Variants in GNAL observed in about 807,000 individuals in gnomAD.
The protein encoded by GNAL is G protein subunit alpha L.
Under a neutral mutation model 55.1 loss-of-function variants are expected in GNAL, and 18 were observed. The observed-to-expected ratio is 0.33, with a 90% CI of 0.23 to 0.48. GNAL has a LOEUF of 0.48. Among genes scored for constraint, GNAL ranks in the 20% least tolerant of loss-of-function variants. The probability of loss-of-function intolerance (pLI) is 0.99; values close to 1 mark genes in which losing one functional copy is unlikely to be tolerated. For synonymous variants in GNAL, 253 were observed against 237.0 expected, an observed-to-expected ratio of 1.07 and a Z score of -0.62; for missense variants, 412 against 614.1, an observed-to-expected ratio of 0.67 and a Z score of 3.48.
At chr18:11,725,690 G>T (rs1210718772) in intron 1 of GNAL, among the ~76,000 whole-genome samples, 1 of 152,120 alleles carries the variant, frequency 6.6e-6, no homozygotes, top group East Asian at 1.9e-4. Context: ...TGGACATCTT[G>T]GTTGCCTCCA....
intron 5 of GNAL, chr18:11,853,464 C>G (rs886673304): frequency 1.8e-5 from 3 of 167,068 alleles, no homozygotes; most frequent in Admixed American, 6.5e-5. Context: ...TAAGTTAATT[C>G]AAGTTTTTTT....
At chr18:11,709,720 G>T (rs2031794350) in intron 1 of GNAL, among the ~76,000 whole-genome samples, 1 of 151,878 alleles carries the variant, frequency 6.6e-6, no homozygotes. Context: ...TTATATTTTT[G>T]TATGTATAAG....
At chr18:11,784,296 T>G (rs550596411) in intron 4 of GNAL, among the ~76,000 whole-genome samples, 13 of 152,256 alleles carry the variant, frequency 8.5e-5, no homozygotes, top group Non-Finnish European at 1.3e-4. Flanking sequence ...CTAATCTGAC[T>G]GCTTCTAAGT....
At chr18:11,778,561 C>T (rs985660490) in intron 4 of GNAL, among the ~76,000 whole-genome samples, 1 of 152,100 alleles carries the variant, frequency 6.6e-6, no homozygotes, top group African/African-American at 2.4e-5. Flanking sequence ...AAATGTGACT[C>T]AGTATCTGGA....
chr18:11,753,467 T>C (rs1216834901), intron 2 of GNAL, 161 bp from the exon 3 acceptor site: 2 of 567,616 alleles, frequency 3.5e-6, no homozygotes, highest in East Asian at 5.8e-5. Flanking sequence ...GGTGCTTTCC[T>C]TTCCCAGATA....
At chr18:11,862,504 A>G (rs994353118) in intron 6 of GNAL, 55 bp downstream of exon 6, 1 of 1,270,776 alleles carries the variant, frequency 7.9e-7, no homozygotes, top group African/African-American at 1.5e-5. Context: ...ATTCATTTCC[A>G]ATATGATTTA....
chr18:11,832,916 A>G (rs1245301570), intron 5 of GNAL, among the ~76,000 whole-genome samples: 1 of 152,120 alleles, frequency 6.6e-6, no homozygotes, highest in African/African-American at 2.4e-5. Context: ...AGGAACTATA[A>G]TTTTAAATTA....
chr18:11,819,201 T>A (rs775851264), intron 4 of GNAL, among the ~76,000 whole-genome samples: 2 of 152,252 alleles, frequency 1.3e-5, no homozygotes, highest in African/African-American at 4.8e-5. Flanking sequence ...CTTCTTATTG[T>A]CATCTGTTTG....
At chr18:11,848,841 C>A (rs1019669599) in intron 5 of GNAL, among the ~76,000 whole-genome samples, 2 of 152,170 alleles carry the variant, frequency 1.3e-5, no homozygotes, top group Non-Finnish European at 2.9e-5. Flanking sequence ...AAGTCAACTT[C>A]TTTCTTTAGG....
intron 4 of GNAL, among the ~76,000 whole-genome samples, chr18:11,761,004 A>C (rs1392343978): frequency 6.6e-6 from 1 of 152,158 alleles, no homozygotes; most frequent in East Asian, 1.9e-4. Flanking sequence ...ACAGCTTTAA[A>C]ATGAGCAATC....
At chr18:11,769,030 TTATATATAA>T (rs1209816766) in intron 4 of GNAL, among the ~76,000 whole-genome samples, 1 of 88,180 alleles carries the variant, frequency 1.1e-5, no homozygotes, top group Non-Finnish European at 1.9e-5. Context: ...TTATAATATA[TTATATATAA>T]TATATAATAT....
At chr18:11,803,322 G>A (rs776541401) in intron 4 of GNAL, among the ~76,000 whole-genome samples, 6 of 152,088 alleles carry the variant, frequency 3.9e-5, no homozygotes, top group African/African-American at 7.2e-5. Flanking sequence ...TCCAGTATTC[G>A]TCCTTCTGTG....
At chr18:11,790,665 T>TC (rs1207379709) in intron 4 of GNAL, among the ~76,000 whole-genome samples, 3 of 143,188 alleles carry the variant, frequency 2.1e-5, no homozygotes, top group African/African-American at 5.1e-5. Flanking sequence ...TTTTTTCTTT[T>TC]TTTTTTTTTT....
chr18:11,834,398 G>A (rs2035455228), intron 5 of GNAL, among the ~76,000 whole-genome samples: 1 of 152,162 alleles, frequency 6.6e-6, no homozygotes, highest in Admixed American at 6.5e-5. Flanking sequence ...GTTAAATGAT[G>A]TAGAAATGTG....
At chr18:11,796,983 C>A (rs1231505025) in intron 4 of GNAL, among the ~76,000 whole-genome samples, 6 of 152,180 alleles carry the variant, frequency 3.9e-5, no homozygotes, top group Non-Finnish European at 8.8e-5. Context: ...GAGACAGGGT[C>A]TCACTGTGCC....
intron 5 of GNAL, chr18:11,853,291 C>T (rs1421979600): frequency 6.0e-6 from 1 of 167,098 alleles, no homozygotes; most frequent in Non-Finnish European, 1.5e-5. Context: ...AAGGAGAAAG[C>T]TTGAGTCTTT....
intron 1 of GNAL, among the ~76,000 whole-genome samples, chr18:11,712,743 AG>A (rs2031867535): frequency 6.6e-6 from 1 of 152,168 alleles, no homozygotes; most frequent in Admixed American, 6.5e-5. Context: ...CTCCCTCTAC[AG>A]GAGCAGAGGA....
Position 11,751,697 on chromosome 18 carries a change from C to G in GNAL, c.377-1156C>G, listed in dbSNP as rs1318895980. ...GGGGCTGCGGGCCCGGAACCCAGGCCGGTCAGCGTGTAAGCGCCCCAGCCG... is the reference window on the plus strand; with the variant it reads ...GGGGCTGCGGGCCCGGAACCCAGGCGGGTCAGCGTGTAAGCGCCCCAGCCG... On this transcript the variant is annotated intron_variant, in intron 1 of 11. Transcript: ENST00000334049. The surrounding 1 kb of genome is among the most constrained non-coding windows in gnomAD (Gnocchi z 4.5). The G allele has an allele frequency of 7.1e-6, 7 of 982,194 alleles. No individual in the cohort carries two copies. The highest frequency in any genetic ancestry group is 8.5e-6 in the Non-Finnish European group (7 of 827,126). 60.8% of individuals were successfully genotyped at this position (982,194 alleles called of 1,614,324 possible).
Position 11,884,528 on chromosome 18 carries a change from C to A in GNAL, c.*3393C>A, listed in dbSNP as rs759150741. On this transcript the variant is annotated 3_prime_UTR_variant, in exon 12 of 12. Transcript: ENST00000334049. ...AGCCCAAAGTGAGTGAGTGTGAGGA[C>A]CACAAGGAAGCCCACCACTCCACAG... 7 of 1,614,066 alleles carry A rather than the reference C, an allele frequency of 4.3e-6. No homozygotes were observed. The highest frequency in any genetic ancestry group is 1.3e-5 in the African/African-American group (1 of 75,028).
Sources: allele counts gnomAD v4.1 joint callset (sites outside exome capture counted in the v4.1 genomes callset), GRCh38; gene constraint gnomAD v4.1.1; non-coding constraint Gnocchi (gnomAD v3.1); transcripts MANE v1.5; gene names NCBI Gene and HGNC (gene_info 2026-07-23, HGNC 2026-07-21).